ATP8B4: variants seen among roughly 807,000 people sequenced by gnomAD.
ATP8B4 encodes the protein ATPase phospholipid transporting 8B4 (putative), also known as probable phospholipid-transporting ATPase IM.
A neutral mutation model predicts 145.6 loss-of-function variants in ATP8B4; 133 were observed. The observed-to-expected ratio is 0.91, with a 90% CI of 0.79 to 1.05. The LOEUF (loss-of-function observed/expected upper bound fraction) is 1.05, where lower values mean the gene tolerates loss of function less well. Among genes scored for constraint, ATP8B4 ranks in the 50% least tolerant of loss-of-function variants. ATP8B4 has a pLI of 0.00. For missense variants in ATP8B4, 1,458 were observed against 1,425.2 expected (o/e 1.02, Z -0.37); for synonymous variants, 507 against 492.9 (o/e 1.03, Z -0.38).
In ATP8B4 at chr15:49,918,892, G is replaced by C. The variant is rs761100900; in HGVS notation, c.1982C>G (p.Thr661Arg). Residue 661 changes from threonine (T) to arginine (R), a missense_variant, in exon 19 of 28, where the codon ACA (threonine) becomes AGA (arginine). Physicochemically the swap from Thr to Arg is moderately conservative, Grantham distance 71. Transcript: ENST00000284509. The part of the protein sequence containing the change: ...KLQEGVIETV[T>R]SLSLANIKIW... ...CTTAATATTGGCTAGTGATAAACTT[G>C]TAACTGTTTCAATAACACCCTCCTG... The C allele has an allele frequency of 8.7e-6, 14 of 1,613,598 alleles. No homozygotes were observed. Among genetic ancestry groups the C allele is most frequent in the Non-Finnish European group, 9.3e-6 (11 of 1,179,770 alleles).
chr15:50,147,101 A>G (rs539358893), intron 1 of ATP8B4, among the ~76,000 whole-genome samples: 18 of 152,212 alleles, frequency 1.2e-4, no homozygotes, highest in Non-Finnish European at 2.5e-4. Context: ...TAGAGGTATC[A>G]GTACAAATTC....
intron 22 of ATP8B4, 150 bp from the exon 23 acceptor site, chr15:49,897,665 TA>T: frequency 1.4e-6 from 1 of 703,042 alleles, no homozygotes; most frequent in Non-Finnish European, 2.1e-6. Context: ...TTATGATAGA[TA>T]TTTCTCTTAG....
intron 1 of ATP8B4, among the ~76,000 whole-genome samples, chr15:50,116,124 A>G (rs1000638548): frequency 1.3e-5 from 2 of 152,142 alleles, no homozygotes; most frequent in East Asian, 1.9e-4. Flanking sequence ...CAGTCTATAA[A>G]TGATCTGTAT....
chr15:50,045,954 C>T (rs533724682), intron 4 of ATP8B4, among the ~76,000 whole-genome samples: 24 of 152,324 alleles, frequency 1.6e-4, no homozygotes, highest in African/African-American at 5.8e-4. Flanking sequence ...AAGCTTTCTT[C>T]AACAAATAGT....
chr15:49,907,110 A>G (rs2038707929), intron 20 of ATP8B4, among the ~76,000 whole-genome samples: 1 of 152,170 alleles, frequency 6.6e-6, no homozygotes, highest in Admixed American at 6.5e-5. Flanking sequence ...ACCCTAAGAG[A>G]GCAGAGACCA....
intron 16 of ATP8B4, among the ~76,000 whole-genome samples, chr15:49,926,731 C>T (rs1047076601): frequency 1.3e-4 from 20 of 152,090 alleles, no homozygotes; most frequent in African/African-American, 4.8e-4. Flanking sequence ...TAAGATGAAC[C>T]AAAATTGTGC....
intron 10 of ATP8B4, among the ~76,000 whole-genome samples, chr15:49,985,843 T>A (rs1029435495): frequency 6.6e-6 from 1 of 152,136 alleles, no homozygotes; most frequent in Admixed American, 6.6e-5. Flanking sequence ...ACTGAGCCTT[T>A]AAAATGACCC....
intron 14 of ATP8B4, among the ~76,000 whole-genome samples, chr15:49,938,334 A>T (rs1377103105): frequency 1.3e-5 from 2 of 152,188 alleles, no homozygotes; most frequent in African/African-American, 2.4e-5. Context: ...TAAAAGGCAC[A>T]CAGAGGCAAA....
chr15:49,901,013 A>T, intron 21 of ATP8B4, 79 bp downstream of exon 21: 1 of 1,493,370 alleles, frequency 6.7e-7, no homozygotes, highest in Non-Finnish European at 9.1e-7. Flanking sequence ...AAGACAAAGG[A>T]GGTCTCATTA....
upstream of ATP8B4, among the ~76,000 whole-genome samples, chr15:50,121,179 G>A (rs2057266376): frequency 6.6e-6 from 1 of 152,146 alleles, no homozygotes; most frequent in Non-Finnish European, 1.5e-5. Flanking sequence ...CTCCTTGAGA[G>A]CAGGGACTTT....
intron 22 of ATP8B4, 112 bp downstream of exon 22, chr15:49,897,956 G>T: frequency 1.7e-6 from 2 of 1,199,592 alleles, no homozygotes; most frequent in South Asian, 1.5e-5. Context: ...ATTCATTTTA[G>T]AATCACTGGC....
At chr15:50,056,975 C>T (rs1600114964) in intron 3 of ATP8B4, among the ~76,000 whole-genome samples, 2 of 152,200 alleles carry the variant, frequency 1.3e-5, no homozygotes, top group East Asian at 3.9e-4. Flanking sequence ...ATCCTCCCAC[C>T]TCGGCCTCTC....
Position 49,886,138 on chromosome 15 carries a change from G to A in ATP8B4, c.2698-6679C>T, listed in dbSNP as rs1206399140. On this transcript the variant is annotated intron_variant, in intron 23 of 27. Transcript: ENST00000284509. ...ACTAGACTGTGAGCTACTTGAGAGC[G>A]GGTAATCTAACTCACCCGTGGGGCC... 2.6e-5 allele frequency among the ~76,000 whole-genome samples: 4 copies of A among 152,170 alleles called. No individual in the cohort carries two copies. In the East Asian group the frequency reaches 7.7e-4, roughly 29 times the overall value.
chr15:49,994,255 C>T (rs1340925107), intron 9 of ATP8B4, among the ~76,000 whole-genome samples: 2 of 152,156 alleles, frequency 1.3e-5, no homozygotes, highest in Non-Finnish European at 2.9e-5. Flanking sequence ...GAGGATCCAG[C>T]ACTCCTTCCT....
chr15:50,071,446 A>C (rs2053729869), intron 3 of ATP8B4, among the ~76,000 whole-genome samples: 1 of 152,256 alleles, frequency 6.6e-6, no homozygotes, highest in African/African-American at 2.4e-5. Flanking sequence ...TACTCACAGA[A>C]GGAAAATACT....
At chr15:50,042,876 G>T (rs990400449) in intron 5 of ATP8B4, among the ~76,000 whole-genome samples, 4 of 152,090 alleles carry the variant, frequency 2.6e-5, no homozygotes, top group Non-Finnish European at 4.4e-5. Context: ...TAAAAGTAGG[G>T]AGAGAAAAAT....
At chr15:49,962,929 TATA>T (rs758503427) in intron 13 of ATP8B4, among the ~76,000 whole-genome samples, 3 of 151,252 alleles carry the variant, frequency 2.0e-5, no homozygotes, top group Non-Finnish European at 2.9e-5. Flanking sequence ...TTAAATTTCT[TATA>T]ATAATAATGA....
intron 3 of ATP8B4, among the ~76,000 whole-genome samples, chr15:50,071,611 G>A (rs1414905722): frequency 1.3e-5 from 2 of 152,170 alleles, no homozygotes. Flanking sequence ...CCTTTCAGAG[G>A]TCATTCTCCA....
intron 12 of ATP8B4, among the ~76,000 whole-genome samples, chr15:49,978,502 C>T (rs1416536421): frequency 6.6e-6 from 1 of 152,064 alleles, no homozygotes; most frequent in Non-Finnish European, 1.5e-5. Flanking sequence ...TTAAACTTCC[C>T]TTGCTTCATC....
Sources: gnomAD v4.1 joint callset for allele counts (sites outside exome capture counted in the v4.1 genomes callset) on GRCh38, gnomAD v4.1.1 for gene constraint, MANE v1.5 for transcripts, NCBI Gene and HGNC (gene_info 2026-07-23, HGNC 2026-07-21) for gene names.